Variants in HYCC1 observed in about 807,000 individuals in gnomAD.
HYCC1 encodes the protein hyccin PI4KA lipid kinase complex subunit 1, also known as hyccin.
At chr7:22,960,421 G>A in the HYCC1 span, 1 of 1,609,612 alleles carries the variant, frequency 6.2e-7, no homozygotes, top group Non-Finnish European at 8.5e-7. Context: ...GCAACCTAAG[G>A]AGAAAAAATA....
chr7:22,929,856 GATT>G, the HYCC1 span, among the ~76,000 whole-genome samples: 1 of 152,108 alleles, frequency 6.6e-6, no homozygotes, highest in East Asian at 1.9e-4. Flanking sequence ...ATACCCAAAG[GATT>G]ATAAATCATG....
At chr7:22,968,979 C>G in the HYCC1 span, among the ~76,000 whole-genome samples, 1 of 151,586 alleles carries the variant, frequency 6.6e-6, no homozygotes, top group Non-Finnish European at 1.5e-5. Flanking sequence ...GAGCGAGACT[C>G]CATCTCAAAA....
At chr7:22,947,412 C>G in the HYCC1 span, among the ~76,000 whole-genome samples, 3 of 151,928 alleles carry the variant, frequency 2.0e-5, no homozygotes, top group African/African-American at 7.3e-5. Context: ...TCTGATAGCA[C>G]CAGAGACAAT....
At chr7:22,970,315 A>C in the HYCC1 span, among the ~76,000 whole-genome samples, 1 of 152,354 alleles carries the variant, frequency 6.6e-6, no homozygotes, top group Middle Eastern at 3.4e-3. Flanking sequence ...TAAAAATCCA[A>C]TTATTTCCTT....
chr7:22,989,339 T>C, the HYCC1 span, among the ~76,000 whole-genome samples: 1 of 150,366 alleles, frequency 6.7e-6, no homozygotes, highest in Non-Finnish European at 1.5e-5. Context: ...TTAATCAAAG[T>C]TTTTTGTTTT....
the HYCC1 span, among the ~76,000 whole-genome samples, chr7:22,953,234 C>T: frequency 6.6e-6 from 1 of 151,822 alleles, no homozygotes; most frequent in African/African-American, 2.4e-5. Context: ...GTAGCACAGA[C>T]CAAAAACAGG....
At chr7:22,946,984 A>G in the HYCC1 span, 1 of 1,549,264 alleles carries the variant, frequency 6.5e-7, no homozygotes, top group Non-Finnish European at 8.7e-7. Context: ...CTCTGCTAAA[A>G]CTGCACTCTG....
chr7:22,952,057 C>T, the HYCC1 span, among the ~76,000 whole-genome samples: 2 of 151,952 alleles, frequency 1.3e-5, no homozygotes, highest in Non-Finnish European at 2.9e-5. Context: ...CTTATTCATG[C>T]ATTCAACTGA....
chr7:22,906,732 G>C, the HYCC1 span, among the ~76,000 whole-genome samples: 1 of 152,122 alleles, frequency 6.6e-6, no homozygotes, highest in South Asian at 2.1e-4. Context: ...GTTAGTACCT[G>C]ATTCTGCCTG....
the HYCC1 span, among the ~76,000 whole-genome samples, chr7:22,905,887 CAT>C: frequency 1.3e-5 from 2 of 152,154 alleles, no homozygotes; most frequent in South Asian, 2.1e-4. Context: ...TTTATGAAGA[CAT>C]GTGCCTTATT....
the HYCC1 span, chr7:22,938,968 G>A: frequency 0.41 from 62,631 of 151,850 alleles, 12,902 homozygotes; most frequent in East Asian, 0.51. Flanking sequence ...ACTAGCAAAC[G>A]TAAGTGTGTA....
At chr7:22,897,564 C>T in the HYCC1 span, among the ~76,000 whole-genome samples, 3 of 152,248 alleles carry the variant, frequency 2.0e-5, no homozygotes, top group African/African-American at 4.8e-5. Flanking sequence ...TAAGATAGTA[C>T]GTGCAGGTAG....
chr7:22,951,254 C>G, the HYCC1 span, among the ~76,000 whole-genome samples: 1 of 151,742 alleles, frequency 6.6e-6, no homozygotes, highest in Non-Finnish European at 1.5e-5. Flanking sequence ...TTAGCTTTTG[C>G]TTTTATTTGT....
the HYCC1 span, among the ~76,000 whole-genome samples, chr7:22,973,651 C>T: frequency 6.6e-6 from 1 of 152,038 alleles, no homozygotes; most frequent in African/African-American, 2.4e-5. Context: ...ATAAATTGAT[C>T]TATTTCTACC....
the HYCC1 span, among the ~76,000 whole-genome samples, chr7:22,931,132 G>T: frequency 6.6e-5 from 10 of 151,332 alleles, no homozygotes; most frequent in African/African-American, 2.4e-4. Flanking sequence ...ATTAAGATAC[G>T]CCCCAAATCC....
the HYCC1 span, among the ~76,000 whole-genome samples, chr7:22,997,865 T>C: frequency 6.6e-6 from 1 of 152,214 alleles, no homozygotes; most frequent in African/African-American, 2.4e-5. Context: ...AGGTTTTTAC[T>C]CTATAAAATG....
chr7:22,953,246 C>A, the HYCC1 span, among the ~76,000 whole-genome samples: 1 of 151,882 alleles, frequency 6.6e-6, no homozygotes, highest in Non-Finnish European at 1.5e-5. Context: ...AAAAACAGGT[C>A]AGCAACACCT....
At chr7:23,001,593 T>C in the HYCC1 span, among the ~76,000 whole-genome samples, 728 of 152,264 alleles carry the variant, frequency 4.8e-3, 8 homozygotes, top group African/African-American at 0.017. Context: ...TTGAGAACTA[T>C]AGGGTAGTAA....
At chr7:22,945,812 G>T in the HYCC1 span, 11 of 1,613,810 alleles carry the variant, frequency 6.8e-6, no homozygotes, top group Admixed American at 1.2e-4. Flanking sequence ...ACTAAATACA[G>T]TCGCTGCGGT....
Sources: allele counts gnomAD v4.1 joint callset (sites outside exome capture counted in the v4.1 genomes callset), GRCh38; gene constraint gnomAD v4.1.1; transcripts MANE v1.5; gene names NCBI Gene and HGNC (gene_info 2026-07-23, HGNC 2026-07-21).